The following ANKS1A variants were observed in gnomAD, a reference collection of about 807,000 sequenced individuals.
ANKS1A encodes ankyrin repeat and SAM domain-containing protein 1A.
ANKS1A carries 55 observed loss-of-function variants against 120.3 expected under a neutral mutation model. The observed-to-expected ratio is 0.46, with a 90% CI of 0.37 to 0.57. ANKS1A has a LOEUF of 0.57. Ranked by LOEUF, ANKS1A falls within the 20% of genes least tolerant of loss-of-function variation. The probability of loss-of-function intolerance (pLI) is 0.00; values close to 1 mark genes in which losing one functional copy is unlikely to be tolerated. For missense variants in ANKS1A, 1,123 were observed against 1,480.3 expected, an observed-to-expected ratio of 0.76 and a Z score of 3.96; for synonymous variants, 590 against 604.7, an observed-to-expected ratio of 0.98 and a Z score of 0.36.
Position 34,889,858 on chromosome 6 carries a change from C to T in ANKS1A, c.197+259C>T, listed in dbSNP as rs995594553. On this transcript the variant is annotated intron_variant, in intron 1 of 23. Transcript: ENST00000360359. This position sits in a 1 kb window ranked among gnomAD's most constrained non-coding sequence, Gnocchi z 5.5. The stretch of plus-strand genomic sequence containing the variant: ...AGTGCCCAGGTGGCAGCCTCCGCCG[C>T]ATGGCACAGCCAGGGTTCACTCTCG... Among the ~76,000 whole-genome samples the T allele has an allele frequency of 6.6e-6, 1 of 152,134 alleles. No individual in the cohort carries two copies. The highest frequency in any genetic ancestry group is 6.5e-5 in the Admixed American group (1 of 15,286).
At chr6:35,094,435 G>C (rs533468298), downstream of ANKS1A, among the ~76,000 whole-genome samples, 225 of 138,626 alleles carry the variant, frequency 1.6e-3, no homozygotes, top group Non-Finnish European at 2.7e-3. Context: ...GTGAGACTTC[G>C]TCTGGAAAAA....
At chr6:34,923,308 G>A (rs887408602) in intron 1 of ANKS1A, among the ~76,000 whole-genome samples, 188 of 152,328 alleles carry the variant, frequency 1.2e-3, no homozygotes, top group African/African-American at 4.4e-3. Flanking sequence ...TTAAAAGTTT[G>A]TGTTCCAAGG....
In ANKS1A at chr6:34,991,587, C is replaced by CAT. The variant is rs1168878284; in HGVS notation, c.1302+2281_1302+2282dup. On this transcript the variant is annotated intron_variant, in intron 9 of 23. Transcript: ENST00000360359. Reference sequence around the variant, plus strand: ...ACACACACACACACACACATATACACATATATATATACACACATATATATA... The same window carrying CAT: ...ACACACACACACACACACATATACACATATATATATATACACACATATATATA... 5.6e-4 allele frequency among the ~76,000 whole-genome samples: 79 copies of CAT among 140,454 alleles called. 1 individual carries two copies. Among genetic ancestry groups the CAT allele is most frequent in the Middle Eastern group, 3.8e-3 (1 of 262 alleles). The allele number at this position is 140,454 out of a possible 152,430, so 92.1% of individuals were successfully genotyped here.
chr6:34,897,912 A>G (rs1767170837), intron 1 of ANKS1A, among the ~76,000 whole-genome samples: 1 of 152,212 alleles, frequency 6.6e-6, no homozygotes, highest in Non-Finnish European at 1.5e-5. Flanking sequence ...AGGACATACT[A>G]TGGTGGCTAA....
At chr6:35,055,777 T>C (rs1776195318) in intron 12 of ANKS1A, among the ~76,000 whole-genome samples, 9 of 152,204 alleles carry the variant, frequency 5.9e-5, no homozygotes. Flanking sequence ...TTTCCCTGGG[T>C]GCTAGCAGAG....
intron 1 of ANKS1A, among the ~76,000 whole-genome samples, chr6:34,913,905 G>A (rs904733633): frequency 2.7e-5 from 4 of 149,728 alleles, no homozygotes; most frequent in African/African-American, 7.4e-5. Context: ...GTAAGTCACT[G>A]TGCCCAGCCA....
chr6:34,984,633 T>C (rs1341367182), intron 7 of ANKS1A, among the ~76,000 whole-genome samples: 2 of 152,188 alleles, frequency 1.3e-5, no homozygotes, highest in African/African-American at 4.8e-5. Flanking sequence ...CTGATAGTTA[T>C]CTAACAGGCC....
intron 1 of ANKS1A, among the ~76,000 whole-genome samples, chr6:34,963,207 T>C (rs1339202735): frequency 6.6e-6 from 1 of 152,158 alleles, no homozygotes; most frequent in Non-Finnish European, 1.5e-5. Context: ...ATAATTGCCT[T>C]ATTGTACAGT....
chr6:34,924,090 CGTGTGTGTGTGTGTGT>C (rs71794086), intron 1 of ANKS1A, among the ~76,000 whole-genome samples: 204 of 143,248 alleles, frequency 1.4e-3, no homozygotes, highest in African/African-American at 3.2e-3. Flanking sequence ...GGGGCTTTTT[CGTGTGTGTGTGTGTGT>C]GTGTGTGTGT....
intron 11 of ANKS1A, among the ~76,000 whole-genome samples, chr6:35,030,915 C>T (rs570367082): frequency 9.8e-5 from 15 of 152,294 alleles, no homozygotes; most frequent in Admixed American, 7.8e-4. Flanking sequence ...CTCTTGAAAT[C>T]GTATGACATT....
intron 11 of ANKS1A, among the ~76,000 whole-genome samples, chr6:35,038,632 C>T (rs2091074): frequency 0.72 from 109,482 of 151,962 alleles, 40,315 homozygotes; most frequent in East Asian, 0.96. Context: ...TAGGCGTGCG[C>T]CACCATGCGC....
intron 3 of ANKS1A, among the ~76,000 whole-genome samples, chr6:34,973,292 C>G (rs1394147914): frequency 6.6e-6 from 1 of 152,156 alleles, no homozygotes; most frequent in African/African-American, 2.4e-5. Flanking sequence ...AGGAAGCGTT[C>G]TGAAATAGGA....
chr6:34,891,633 CT>C (rs879928079), intron 1 of ANKS1A, among the ~76,000 whole-genome samples: 136 of 146,216 alleles, frequency 9.3e-4, no homozygotes, highest in Non-Finnish European at 1.0e-3. Flanking sequence ...TCAAATTATT[CT>C]TTTTTTTTTT....
intron 10 of ANKS1A, among the ~76,000 whole-genome samples, chr6:35,013,980 A>G (rs1388527348): frequency 6.6e-6 from 1 of 152,196 alleles, no homozygotes; most frequent in East Asian, 1.9e-4. Flanking sequence ...ACGGTTCTTA[A>G]TGCATTACAC....
intron 11 of ANKS1A, among the ~76,000 whole-genome samples, chr6:35,026,734 C>T (rs1774644300): frequency 6.6e-6 from 1 of 152,140 alleles, no homozygotes; most frequent in African/African-American, 2.4e-5. Flanking sequence ...AATTTAAAAT[C>T]CTACCCTACA....
At chr6:34,972,713 G>A (rs1292151718) in intron 3 of ANKS1A, 12 of 819,036 alleles carry the variant, frequency 1.5e-5, no homozygotes, top group African/African-American at 3.7e-5. Flanking sequence ...GGTCCTCTCC[G>A]CTTCTACTCT....
intron 1 of ANKS1A, among the ~76,000 whole-genome samples, chr6:34,957,048 A>G (rs74397969): frequency 0.015 from 2,227 of 152,322 alleles, 44 homozygotes; most frequent in African/African-American, 0.047. Context: ...CACAGGCTGC[A>G]GAGATTCACT....
intron 1 of ANKS1A, among the ~76,000 whole-genome samples, chr6:34,897,826 G>A (rs1767166890): frequency 6.6e-6 from 1 of 152,140 alleles, no homozygotes; most frequent in Admixed American, 6.5e-5. Flanking sequence ...TTTGAAACAA[G>A]ATAGTTGTAT....
In ANKS1A at chr6:34,889,414, G is replaced by A. The variant is rs1766673712; in HGVS notation, c.12G>A (p.Glu4=). ...TGGCGGCCCTGGGGATGGGGAAGGA[G>A]CAGGAGCTGCTGGAGGCGGCCCGCA... MGK[E]QELLEAARTG... Residue 4 remains glutamate, a synonymous_variant, in exon 1 of 24, where the codon GAG becomes GAA. Transcript: ENST00000360359. This position sits in a 1 kb window ranked among gnomAD's most constrained non-coding sequence, Gnocchi z 5.5. 1 of 1,281,998 alleles carries A rather than the reference G, an allele frequency of 7.8e-7. No individual in the cohort carries two copies. The highest frequency in any genetic ancestry group is 2.9e-5 in the South Asian group (1 of 34,020). 79.4% of individuals were successfully genotyped at this position (1,281,998 alleles called of 1,614,324 possible).
Sources: allele counts gnomAD v4.1 joint callset (sites outside exome capture counted in the v4.1 genomes callset), GRCh38; gene constraint gnomAD v4.1.1; non-coding constraint Gnocchi (gnomAD v3.1); transcripts MANE v1.5; gene names NCBI Gene and HGNC (gene_info 2026-07-23, HGNC 2026-07-21).